Variants in SGCZ observed in about 807,000 individuals in gnomAD.
The protein encoded by SGCZ is zeta-sarcoglycan.
SGCZ carries 40 observed loss-of-function variants against 41.3 expected under a neutral mutation model. The ratio of observed to expected loss-of-function variants is 0.97; its 90% CI spans 0.75 to 1.26. The LOEUF (loss-of-function observed/expected upper bound fraction) is 1.26, where lower values mean the gene tolerates loss of function less well. SGCZ is among the 50% of genes most tolerant of loss of function. The probability of loss-of-function intolerance (pLI) is 0.00; values close to 1 mark genes in which losing one functional copy is unlikely to be tolerated. For missense variants in SGCZ, 552 were observed against 369.8 expected, an observed-to-expected ratio of 1.49 and a Z score of -4.04; for synonymous variants, 206 against 137.5, an observed-to-expected ratio of 1.50 and a Z score of -3.49.
intron 5 of SGCZ, among the ~76,000 whole-genome samples, chr8:14,127,569 C>A (rs573889055): frequency 2.0e-4 from 31 of 152,220 alleles, no homozygotes; most frequent in African/African-American, 7.2e-4. Flanking sequence ...CATTAGCCTG[C>A]CTCAGCCTCC....
intron 1 of SGCZ, among the ~76,000 whole-genome samples, chr8:14,857,097 A>G (rs1803566341): frequency 6.6e-6 from 1 of 152,096 alleles, no homozygotes. Context: ...AGTTCCCATA[A>G]GATCTGGTGT....
chr8:14,454,232 A>G (rs1490604528), intron 2 of SGCZ, among the ~76,000 whole-genome samples: 13 of 152,308 alleles, frequency 8.5e-5, no homozygotes, highest in Non-Finnish European at 5.9e-5. Flanking sequence ...CTGCTTTACC[A>G]GTAGGAGAAT....
chr8:14,435,478 C>A (rs757158022), intron 2 of SGCZ, among the ~76,000 whole-genome samples: 2 of 152,070 alleles, frequency 1.3e-5, no homozygotes, highest in African/African-American at 2.4e-5. Context: ...CCTGTTTGTT[C>A]TTATATCCCT....
rs181943050 is a variant in SGCZ at position 15,098,786 on chromosome 8, C to T, written c.39+138799G>A. Among the ~76,000 whole-genome samples the T allele has an allele frequency of 1.8e-3, 270 of 152,244 alleles. 2 individuals are homozygous for T. The highest frequency in any genetic ancestry group is 4.5e-3 in the Admixed American group (69 of 15,294). On this transcript the variant is annotated intron_variant, in intron 1 of 7. Transcript: ENST00000382080. ...AAAAAGTAGTGCCTCAGTTCGGGTGCCATGGCTCACGCCTGTAATCCCAGC... is the reference window on the plus strand; with the variant it reads ...AAAAAGTAGTGCCTCAGTTCGGGTGTCATGGCTCACGCCTGTAATCCCAGC...
chr8:15,053,989 T>G (rs1407244126), intron 1 of SGCZ, among the ~76,000 whole-genome samples: 1 of 152,136 alleles, frequency 6.6e-6, no homozygotes, highest in African/African-American at 2.4e-5. Context: ...ATCTAAGGTA[T>G]GAAACTAACA....
At chr8:14,810,499 G>T (rs1331663506) in intron 1 of SGCZ, among the ~76,000 whole-genome samples, 1 of 151,936 alleles carries the variant, frequency 6.6e-6, no homozygotes, top group African/African-American at 2.4e-5. Context: ...TAAGAATGAA[G>T]CTCCAAGTTT....
At chr8:14,599,414 G>T (rs1805516724) in intron 1 of SGCZ, among the ~76,000 whole-genome samples, 1 of 152,078 alleles carries the variant, frequency 6.6e-6, no homozygotes, top group Non-Finnish European at 1.5e-5. Context: ...ACATTCTCAG[G>T]TAAATGTGGA....
At chr8:14,642,772 T>C (rs1298985909) in intron 1 of SGCZ, among the ~76,000 whole-genome samples, 1 of 151,526 alleles carries the variant, frequency 6.6e-6, no homozygotes, top group Non-Finnish European at 1.5e-5. Context: ...AAATAATATA[T>C]ATATCTAAGC....
chr8:14,746,317 T>A (rs992050029), intron 1 of SGCZ, among the ~76,000 whole-genome samples: 1 of 152,122 alleles, frequency 6.6e-6, no homozygotes, highest in African/African-American at 2.4e-5. Context: ...TTTCACACAT[T>A]TTCTTAAGTC....
intron 1 of SGCZ, among the ~76,000 whole-genome samples, chr8:14,655,313 T>G (rs1019723609): frequency 6.6e-6 from 1 of 152,114 alleles, no homozygotes; most frequent in African/African-American, 2.4e-5. Context: ...GGTGTTCATA[T>G]GTTCAATATA....
chr8:14,866,410 C>A (rs767189048), intron 1 of SGCZ, among the ~76,000 whole-genome samples: 2 of 152,046 alleles, frequency 1.3e-5, no homozygotes, highest in African/African-American at 4.8e-5. Context: ...AGAACAAGCA[C>A]AGTCATTATT....
chr8:14,808,948 G>C (rs893314489), intron 1 of SGCZ, among the ~76,000 whole-genome samples: 13 of 151,298 alleles, frequency 8.6e-5, no homozygotes, highest in African/African-American at 3.2e-4. Context: ...GATGAAATTG[G>C]AAATCATCAT....
intron 2 of SGCZ, among the ~76,000 whole-genome samples, chr8:14,388,165 A>G (rs28513465): frequency 0.037 from 5,568 of 152,272 alleles, 288 homozygotes; most frequent in African/African-American, 0.11. Context: ...AGAATAAAAC[A>G]TATCATTTAA....
chr8:15,107,145 G>A (rs898768257), intron 1 of SGCZ, among the ~76,000 whole-genome samples: 7 of 152,048 alleles, frequency 4.6e-5, no homozygotes, highest in Admixed American at 1.3e-4. Context: ...TCATAATTGA[G>A]ATTAGTTTGT....
intron 1 of SGCZ, among the ~76,000 whole-genome samples, chr8:15,000,939 G>T (rs903425586): frequency 1.3e-5 from 2 of 152,080 alleles, no homozygotes; most frequent in Non-Finnish European, 2.9e-5. Flanking sequence ...CTTTCTTTGT[G>T]CAAGACAACA....
At chr8:14,146,890 A>AAAAAATAATAATAATAATAAT (rs1182329393) in intron 5 of SGCZ, among the ~76,000 whole-genome samples, 1 of 116,186 alleles carries the variant, frequency 8.6e-6, no homozygotes, top group African/African-American at 3.6e-5. Flanking sequence ...AAAATAAAAA[A>AAAAAATAATAATAATAATAAT]AATAATAATA....
intron 1 of SGCZ, among the ~76,000 whole-genome samples, chr8:15,021,587 G>A (rs140814725): frequency 1.3e-5 from 2 of 152,138 alleles, no homozygotes; most frequent in Non-Finnish European, 2.9e-5. Context: ...ACACTGTATG[G>A]GGTTAAGGGA....
intron 1 of SGCZ, among the ~76,000 whole-genome samples, chr8:14,939,513 G>C (rs1261234822): frequency 6.6e-6 from 1 of 152,006 alleles, no homozygotes; most frequent in Admixed American, 6.6e-5. Context: ...TATCGTATGA[G>C]GATGGTTAAA....
chr8:14,465,974 A>G (rs961972448), intron 2 of SGCZ, among the ~76,000 whole-genome samples: 2 of 151,996 alleles, frequency 1.3e-5, no homozygotes, highest in African/African-American at 4.8e-5. Flanking sequence ...TAAATCATGT[A>G]CAAAACAAAC....
Sources: allele counts gnomAD v4.1 joint callset (sites outside exome capture counted in the v4.1 genomes callset), GRCh38; gene constraint gnomAD v4.1.1; transcripts MANE v1.5; gene names NCBI Gene and HGNC (gene_info 2026-07-23, HGNC 2026-07-21).